The following STIMATE variants were observed in gnomAD, a reference collection of about 807,000 sequenced individuals.
STIMATE encodes the protein store-operated calcium entry regulator STIMATE.
In STIMATE, 15 loss-of-function variants were observed where a neutral mutation model predicts 36.7. The ratio of observed to expected loss-of-function variants is 0.41; its 90% CI spans 0.27 to 0.63. The LOEUF (loss-of-function observed/expected upper bound fraction) is 0.63, where lower values mean the gene tolerates loss of function less well. Ranked by LOEUF, STIMATE falls within the 20% of genes least tolerant of loss-of-function variation. The pLI, the probability that STIMATE is intolerant of heterozygous loss-of-function variation, is 0.32. For missense variants in STIMATE, 305 were observed against 397.3 expected, an observed-to-expected ratio of 0.77 and a Z score of 1.98; for synonymous variants, 163 against 162.3, an observed-to-expected ratio of 1.00 and a Z score of -0.03.
intron 1 of STIMATE, among the ~76,000 whole-genome samples, chr3:52,879,345 C>T (rs1034885327): frequency 6.6e-6 from 1 of 152,174 alleles, no homozygotes; most frequent in Non-Finnish European, 1.5e-5. Context: ...CTTAACAAAT[C>T]ATCACCCGCT....
In STIMATE at chr3:52,844,951, C is replaced by G; in HGVS notation, c.428-10G>C. Reference sequence around the variant, plus strand: ...CACTGCAGAGGGTCTCCTGCAGGGACAGGCGGGTGCTTAGTCACATGGGGC... The same window carrying G: ...CACTGCAGAGGGTCTCCTGCAGGGAGAGGCGGGTGCTTAGTCACATGGGGC... On this transcript the variant is annotated splice_polypyrimidine_tract_variant and intron_variant, in intron 4 of 7. Coordinates refer to ENST00000355083, the MANE Select transcript of STIMATE (RefSeq NM_198563.5). 6.2e-7 allele frequency: 1 copy of G among 1,612,392 alleles called. No homozygotes were observed. The highest frequency in any genetic ancestry group is 8.5e-7 in the Non-Finnish European group (1 of 1,178,922).
In STIMATE at chr3:52,852,812, G is replaced by A. The variant is rs941124176; in HGVS notation, c.210-114C>T. On this transcript the variant is annotated intron_variant, in intron 2 of 7. Coordinates refer to ENST00000355083, the MANE Select transcript of STIMATE (RefSeq NM_198563.5). ...AGCCACCCCAACCTTCCAATCACTG[G>A]TTATCTCTTCCTGGGGCCTTGAGCA... is the stretch of plus-strand genomic sequence containing the variant. The A allele has an allele frequency of 4.6e-5, 61 of 1,320,818 alleles. No individual in the cohort carries two copies. In the African/African-American group the frequency reaches 8.3e-4, roughly 18 times the overall value. The allele number at this position is 1,320,818 out of a possible 1,614,324, so 81.8% of individuals were successfully genotyped here.
intron 1 of STIMATE, chr3:52,895,942 GT>G (rs1559501489): frequency 1.6e-6 from 2 of 1,289,718 alleles, no homozygotes; most frequent in African/African-American, 3.0e-5. Context: ...TGGCTAAGTT[GT>G]CACAAATTAT....
intron 1 of STIMATE, among the ~76,000 whole-genome samples, chr3:52,873,113 C>T (rs1701437192): frequency 6.6e-6 from 1 of 152,206 alleles, no homozygotes; most frequent in Non-Finnish European, 1.5e-5. Flanking sequence ...AAAGCAACAA[C>T]CTCCCCCCAC....
rs17052576 is a variant in STIMATE at position 52,858,868 on chromosome 3, G to A, written c.161-3424C>T. Among the ~76,000 whole-genome samples the A allele has an allele frequency of 9.2e-3, 1,399 of 152,166 alleles. 29 individuals carry two copies. The highest frequency in any genetic ancestry group is 0.033 in the African/African-American group (1,350 of 41,508). On this transcript the variant is annotated intron_variant, in intron 1 of 7. Transcript: ENST00000355083. The stretch of plus-strand genomic sequence containing the variant: ...ACAATACTAAGCAGTTGCTAAAAAC[G>A]ACAAGGTAGGCCAGGCGTGGTGGCT...
At chr3:52,887,924 T>C (rs923018399) in intron 1 of STIMATE, among the ~76,000 whole-genome samples, 5 of 150,788 alleles carry the variant, frequency 3.3e-5, no homozygotes, top group East Asian at 1.9e-4. Context: ...AAATTCAATA[T>C]GTAATCTGCT....
intron 3 of STIMATE, among the ~76,000 whole-genome samples, chr3:52,850,732 T>A (rs766804472): frequency 6.4e-5 from 9 of 140,964 alleles, no homozygotes; most frequent in Non-Finnish European, 1.3e-4. Context: ...ATTTTTACAC[T>A]GTTTTTTTCT....
intron 2 of STIMATE, among the ~76,000 whole-genome samples, chr3:52,854,002 C>T (rs184126035): frequency 2.0e-5 from 3 of 152,180 alleles, no homozygotes; most frequent in East Asian, 1.9e-4. Flanking sequence ...CACCATTTCA[C>T]GAAGGAAAAA....
chr3:52,850,302 C>T (rs1700975136), intron 3 of STIMATE, among the ~76,000 whole-genome samples: 2 of 152,094 alleles, frequency 1.3e-5, no homozygotes, highest in African/African-American at 4.8e-5. Flanking sequence ...CGTGGTGGCG[C>T]GCACCTGTAG....
intron 4 of STIMATE, among the ~76,000 whole-genome samples, chr3:52,845,960 G>A (rs534362072): frequency 1.4e-5 from 2 of 141,936 alleles, no homozygotes; most frequent in East Asian, 4.4e-4. Flanking sequence ...AGGCTGGGGG[G>A]TAAAGGCCGT....
chr3:52,888,195 A>G (rs565605426), intron 1 of STIMATE, among the ~76,000 whole-genome samples: 1 of 151,936 alleles, frequency 6.6e-6, no homozygotes, highest in African/African-American at 2.4e-5. Context: ...CAGGGCTTGG[A>G]CTGAGGGTCA....
intron 3 of STIMATE, 39 bp from the exon 4 acceptor site, chr3:52,849,952 C>A (rs1409569614): frequency 1.9e-6 from 3 of 1,599,350 alleles, no homozygotes; most frequent in Non-Finnish European, 2.6e-6. Context: ...CGGCAGAAGC[C>A]ACGGGGCCAG....
intron 5 of STIMATE, 128 bp from the exon 6 acceptor site, chr3:52,843,926 G>T: frequency 8.1e-7 from 1 of 1,231,858 alleles, no homozygotes; most frequent in Non-Finnish European, 1.1e-6. Context: ...CCCAATGGGA[G>T]CAGCACCTCA....
At chr3:52,843,861 TG>T in intron 5 of STIMATE, 63 bp from the exon 6 acceptor site, 1 of 988,216 alleles carries the variant, frequency 1.0e-6, no homozygotes, top group East Asian at 3.3e-5. Context: ...CTGGGGTGGG[TG>T]GGTGGTACCC....
At chr3:52,843,146 G>T in intron 6 of STIMATE, 186 bp from the exon 7 acceptor site, 1 of 1,178,266 alleles carries the variant, frequency 8.5e-7, no homozygotes, top group Non-Finnish European at 1.2e-6. Flanking sequence ...ACATCCTCGG[G>T]TTCAGTTTTC....
chr3:52,852,580 GCACT>G lies in STIMATE; in HGVS notation c.305+19_305+22del, dbSNP rs1386186777. The stretch of plus-strand genomic sequence containing the variant: ...TTCAATGGAGGGGCAGCTGATGTTT[GCACT>G]CAAATAGGGAACACTTACAGTGAAC... On this transcript the variant is annotated intron_variant, in intron 3 of 7. Transcript: ENST00000355083. The G allele has an allele frequency of 6.2e-7, 1 of 1,611,936 alleles. No individual in the cohort carries two copies. The highest frequency in any genetic ancestry group is 1.3e-5 in the African/African-American group (1 of 74,832).
intron 4 of STIMATE, chr3:52,846,628 A>C (rs1363544030): frequency 6.6e-6 from 1 of 152,160 alleles, no homozygotes; most frequent in African/African-American, 2.4e-5. Context: ...CCAGTGTTCT[A>C]GGTTTCTGCT....
chr3:52,849,749 C>A (rs1443591094), intron 4 of STIMATE, 43 bp downstream of exon 4: 2 of 1,588,664 alleles, frequency 1.3e-6, no homozygotes, highest in Non-Finnish European at 1.7e-6. Flanking sequence ...CAGAGACCTC[C>A]AGCAGTTCCC....
chr3:52,854,666 G>A (rs2106672729), intron 2 of STIMATE, among the ~76,000 whole-genome samples: 1 of 152,330 alleles, frequency 6.6e-6, no homozygotes, highest in South Asian at 2.1e-4. Context: ...ACCTTAGCGG[G>A]GAAGTGGGGG....
Sources: gnomAD v4.1 joint callset for allele counts (sites outside exome capture counted in the v4.1 genomes callset) on GRCh38, gnomAD v4.1.1 for gene constraint, MANE v1.5 for transcripts, NCBI Gene and HGNC (gene_info 2026-07-23, HGNC 2026-07-21) for gene names.